The following ANKRD44 variants were observed in gnomAD, a reference collection of about 807,000 sequenced individuals.
ANKRD44 encodes ankyrin repeat domain 44.
ANKRD44 carries 35 observed loss-of-function variants against 116.0 expected under a neutral mutation model. The ratio of observed to expected loss-of-function variants is 0.30; its 90% CI spans 0.23 to 0.40. ANKRD44 has a LOEUF of 0.40. ANKRD44 is among the 10% of genes least tolerant of loss of function. The probability of loss-of-function intolerance (pLI) is 1.00; values close to 1 mark genes in which losing one functional copy is unlikely to be tolerated. For synonymous variants in ANKRD44, 435 were observed against 461.8 expected, an observed-to-expected ratio of 0.94 and a Z score of 0.74; for missense variants, 1,014 against 1,242.6, an observed-to-expected ratio of 0.82 and a Z score of 2.77.
rs760860323 is a variant in ANKRD44 at position 197,187,053 on chromosome 2, G to A, written c.81C>T (p.Leu27=). 3 of 1,614,102 alleles carry A rather than the reference G, an allele frequency of 1.9e-6. No individual in the cohort carries two copies. Among genetic ancestry groups the A allele is most frequent in the East Asian group, 2.2e-5 (1 of 44,874 alleles). The stretch of plus-strand genomic sequence containing the variant: ...TATTCACATCTTCAGTTTTATGGAT[G>A]AGCATCCGGATCTCCTCTGGATCAC... ...FSGDPEEIRM[L]IHKTEDVNTL... The change falls in exon 2 of 28, where the codon CTC becomes CTT. Residue 27 remains leucine, a synonymous_variant. Coordinates refer to ENST00000282272, the MANE Select transcript of ANKRD44 (RefSeq NM_001195144.2).
chr2:197,290,753 C>T lies in ANKRD44; in HGVS notation c.27+19825G>A, dbSNP rs1321663117. ...TTTAACTCTTAGCATCTCAGGATCACATTTCTATTACAAAGCATTGTAAGA... is the reference window on the plus strand; with the variant it reads ...TTTAACTCTTAGCATCTCAGGATCATATTTCTATTACAAAGCATTGTAAGA... On this transcript the variant is annotated intron_variant, in intron 1 of 27. Transcript: ENST00000282272. Among the ~76,000 whole-genome samples, 3 of 152,220 alleles carry T rather than the reference C, an allele frequency of 2.0e-5. No homozygotes were observed. In the East Asian group the frequency reaches 5.8e-4, roughly 29 times the overall value.
chr2:197,248,576 G>GTATATATATA (rs1318550760), intron 1 of ANKRD44, among the ~76,000 whole-genome samples: 2 of 110,480 alleles, frequency 1.8e-5, no homozygotes, highest in African/African-American at 3.0e-5. Context: ...GTGTGTGTGT[G>GTATATATATA]TGTATATATA....
chr2:197,236,713 CAAAA>C (rs71012964), intron 1 of ANKRD44, among the ~76,000 whole-genome samples: 1 of 105,248 alleles, frequency 9.5e-6, no homozygotes. Context: ...ACAAACTACT[CAAAA>C]AAAAAAAAAA....
chr2:196,986,813 A>C lies in ANKRD44; in HGVS notation c.*2778T>G. ...TGCTTGAGAAGATTCAGATTGTTTCAAAGTCATTCACTGAACTAAAAGTCA... is the reference window on the plus strand; with the variant it reads ...TGCTTGAGAAGATTCAGATTGTTTCCAAGTCATTCACTGAACTAAAAGTCA... On this transcript the variant is annotated 3_prime_UTR_variant, in exon 28 of 28. Coordinates refer to ENST00000282272, the MANE Select transcript of ANKRD44 (RefSeq NM_001195144.2). 1 of 984,272 alleles carries C rather than the reference A, an allele frequency of 1.0e-6. No individual in the cohort carries two copies. Among genetic ancestry groups the C allele is most frequent in the Non-Finnish European group, 1.2e-6 (1 of 828,844 alleles). 61.0% of individuals were successfully genotyped at this position (984,272 alleles called of 1,614,324 possible).
chr2:196,974,798 G>A (rs931374458), intron 21 of ANKRD44, among the ~76,000 whole-genome samples: 5 of 151,834 alleles, frequency 3.3e-5, no homozygotes, highest in African/African-American at 1.2e-4. Flanking sequence ...GCTGAGGCAG[G>A]AGAATCTCTT....
intron 1 of ANKRD44, among the ~76,000 whole-genome samples, chr2:197,218,751 CTTTTTTTTTT>C (rs138330364): frequency 3.8e-5 from 2 of 52,346 alleles, no homozygotes; most frequent in Admixed American, 3.0e-4. Context: ...GGTAAAGTCC[CTTTTTTTTTT>C]TTTTTTTTTT....
At chr2:197,039,404 G>C (rs1208514391) in intron 16 of ANKRD44, among the ~76,000 whole-genome samples, 1 of 152,142 alleles carries the variant, frequency 6.6e-6, no homozygotes, top group East Asian at 1.9e-4. Context: ...TATGAGTGCT[G>C]CAAGTTCATT....
chr2:196,970,881 T>C (rs1278206786), intron 21 of ANKRD44, among the ~76,000 whole-genome samples: 1 of 152,130 alleles, frequency 6.6e-6, no homozygotes, highest in Admixed American at 6.5e-5. Context: ...TTTTGTATTC[T>C]TTGTAGAGAC....
At chr2:196,981,051 TA>T (rs1334968458) in intron 21 of ANKRD44, among the ~76,000 whole-genome samples, 3 of 152,210 alleles carry the variant, frequency 2.0e-5, no homozygotes, top group African/African-American at 7.2e-5. Flanking sequence ...CTCCCATGGT[TA>T]TATCCTTTGC....
intron 18 of ANKRD44, among the ~76,000 whole-genome samples, chr2:197,010,669 C>T (rs1159776304): frequency 6.6e-6 from 1 of 152,244 alleles, no homozygotes; most frequent in Non-Finnish European, 1.5e-5. Flanking sequence ...TGACTTCCCA[C>T]TCAGGGAGTA....
intron 16 of ANKRD44, among the ~76,000 whole-genome samples, chr2:197,060,254 C>T (rs572606685): frequency 1.3e-4 from 20 of 152,238 alleles, no homozygotes; most frequent in Middle Eastern, 3.4e-3. Context: ...AGATCTGGCA[C>T]ATAGCAGTAT....
intron 1 of ANKRD44, among the ~76,000 whole-genome samples, chr2:197,208,530 C>T (rs1178140730): frequency 1.3e-5 from 2 of 152,124 alleles, no homozygotes; most frequent in African/African-American, 4.8e-5. Flanking sequence ...CAGTGTGGCT[C>T]ACACCTGTAA....
At chr2:197,068,136 T>C (rs1374148150) in intron 16 of ANKRD44, among the ~76,000 whole-genome samples, 35 of 115,094 alleles carry the variant, frequency 3.0e-4, no homozygotes, top group African/African-American at 9.7e-4. Context: ...CCGCATATTC[T>C]CACTCATAGG....
At chr2:197,220,425 T>C (rs1202894301) in intron 1 of ANKRD44, among the ~76,000 whole-genome samples, 1 of 152,212 alleles carries the variant, frequency 6.6e-6, no homozygotes, top group African/African-American at 2.4e-5. Flanking sequence ...TTCTCTGCTT[T>C]TTTCTCCACT....
intron 1 of ANKRD44, among the ~76,000 whole-genome samples, chr2:197,234,573 A>G (rs376823818): frequency 4.6e-4 from 70 of 152,070 alleles, no homozygotes; most frequent in African/African-American, 1.5e-3. Flanking sequence ...GTTTTTTAAA[A>G]TTTTCTAGAT....
chr2:197,291,128 G>A (rs963968525), intron 1 of ANKRD44, among the ~76,000 whole-genome samples: 1 of 152,186 alleles, frequency 6.6e-6, no homozygotes, highest in African/African-American at 2.4e-5. Flanking sequence ...AGGATCACTT[G>A]AGCCCAGGAG....
At chr2:197,186,612 CTTT>C (rs149107038) in intron 2 of ANKRD44, among the ~76,000 whole-genome samples, 55 of 50,782 alleles carry the variant, frequency 1.1e-3, no homozygotes, top group African/African-American at 1.4e-3. Flanking sequence ...GCTAATTTTT[CTTT>C]TTTTTTTTTT....
At position 197,264,508 on chromosome 2, in the gene ANKRD44, C is replaced by T. The variant is rs111335596; in HGVS notation, c.27+46070G>A. ...TGTCAGAGTTTGATGATAGCATCAA[C>T]GTTTTTGAGTTTTTAGTATCATTTT... is the stretch of plus-strand genomic sequence containing the variant. On this transcript the variant is annotated intron_variant, in intron 1 of 27. Coordinates refer to ENST00000282272, the MANE Select transcript of ANKRD44 (RefSeq NM_001195144.2). Among the ~76,000 whole-genome samples the T allele has an allele frequency of 6.4e-3, 972 of 152,284 alleles. 7 individuals carry two copies. Among genetic ancestry groups the T allele is most frequent in the South Asian group, 0.019 (90 of 4,828 alleles).
At chr2:197,047,127 T>C (rs2077016914) in intron 16 of ANKRD44, among the ~76,000 whole-genome samples, 1 of 152,044 alleles carries the variant, frequency 6.6e-6, no homozygotes. Flanking sequence ...CAAGCGATTC[T>C]CCTGCCTCAG....
Sources: gnomAD v4.1 joint callset for allele counts (sites outside exome capture counted in the v4.1 genomes callset) on GRCh38, gnomAD v4.1.1 for gene constraint, MANE v1.5 for transcripts, NCBI Gene and HGNC (gene_info 2026-07-23, HGNC 2026-07-21) for gene names.